Variants in KHDRBS2 observed in about 807,000 individuals in gnomAD.
KHDRBS2 encodes KH RNA binding domain containing, signal transduction associated 2.
Under a neutral mutation model 44.3 loss-of-function variants are expected in KHDRBS2, and 26 were observed. The observed-to-expected ratio is 0.59, with a 90% CI of 0.43 to 0.81. The LOEUF (loss-of-function observed/expected upper bound fraction) is 0.81. Among genes scored for constraint, KHDRBS2 ranks in the 40% least tolerant of loss-of-function variants. The probability of loss-of-function intolerance (pLI) is 0.00; values close to 1 mark genes in which losing one functional copy is unlikely to be tolerated. For synonymous variants in KHDRBS2, 194 were observed against 151.1 expected (o/e 1.28, Z -2.08); for missense variants, 476 against 433.1 (o/e 1.10, Z -0.88).
chr6:61,814,929 G>A (rs1272099455), intron 6 of KHDRBS2, among the ~76,000 whole-genome samples: 1 of 152,076 alleles, frequency 6.6e-6, no homozygotes, highest in African/African-American at 2.4e-5. Flanking sequence ...AAATGGTAAA[G>A]TATTTGTATA....
intron 2 of KHDRBS2, among the ~76,000 whole-genome samples, chr6:62,165,540 T>A (rs887300467): frequency 5.9e-5 from 9 of 151,836 alleles, no homozygotes; most frequent in Non-Finnish European, 8.8e-5. Context: ...TTTTAAAAAC[T>A]AAATCAATCT....
the KHDRBS2 span, among the ~76,000 whole-genome samples, chr6:61,602,059 T>C: frequency 6.6e-6 from 1 of 152,176 alleles, no homozygotes; most frequent in Non-Finnish European, 1.5e-5. Flanking sequence ...TTTACAGCCC[T>C]AGACCCTAAA....
chr6:62,135,268 G>C (rs1012189396), intron 2 of KHDRBS2, among the ~76,000 whole-genome samples: 1 of 152,096 alleles, frequency 6.6e-6, no homozygotes, highest in African/African-American at 2.4e-5. Context: ...CCTTTTGCTT[G>C]GCTCTCATTC....
chr6:62,121,033 C>T (rs531909263), intron 2 of KHDRBS2, among the ~76,000 whole-genome samples: 32 of 152,002 alleles, frequency 2.1e-4, no homozygotes, highest in Non-Finnish European at 3.8e-4. Context: ...CCAGTTAAAC[C>T]GGGGGCTTAC....
At chr6:62,274,619 C>G (rs948026968) in intron 1 of KHDRBS2, among the ~76,000 whole-genome samples, 1 of 152,056 alleles carries the variant, frequency 6.6e-6, no homozygotes, top group African/African-American at 2.4e-5. Flanking sequence ...CAATTTACAG[C>G]TGCTTCATCA....
chr6:61,940,787 G>A (rs1292753150), intron 4 of KHDRBS2, among the ~76,000 whole-genome samples: 1 of 152,064 alleles, frequency 6.6e-6, no homozygotes, highest in Non-Finnish European at 1.5e-5. Context: ...AACATACCAG[G>A]GGCTGAGATG....
chr6:61,938,586 AC>A (rs1811492702), intron 4 of KHDRBS2, among the ~76,000 whole-genome samples: 1 of 152,200 alleles, frequency 6.6e-6, no homozygotes, highest in African/African-American at 2.4e-5. Context: ...GTAGTGTTCT[AC>A]ATCATGGCAT....
intron 4 of KHDRBS2, among the ~76,000 whole-genome samples, chr6:61,941,902 A>C (rs1357002909): frequency 6.6e-6 from 1 of 152,192 alleles, no homozygotes; most frequent in East Asian, 1.9e-4. Context: ...ATACTCCAGC[A>C]AAAGATCCTA....
intron 3 of KHDRBS2, among the ~76,000 whole-genome samples, chr6:62,024,005 C>G (rs1411702216): frequency 6.6e-6 from 1 of 150,944 alleles, no homozygotes; most frequent in Non-Finnish European, 1.5e-5. Context: ...GACCAAGAGT[C>G]TCTACCAAAA....
the KHDRBS2 span, among the ~76,000 whole-genome samples, chr6:61,605,535 T>C: frequency 6.6e-5 from 10 of 152,184 alleles, no homozygotes; most frequent in Non-Finnish European, 1.5e-4. Flanking sequence ...TCTCCTTGTC[T>C]TATTCTGTTT....
At chr6:61,767,887 A>G (rs1461883071) in intron 6 of KHDRBS2, among the ~76,000 whole-genome samples, 1 of 152,050 alleles carries the variant, frequency 6.6e-6, no homozygotes, top group Non-Finnish European at 1.5e-5. Context: ...TAATCTTTCT[A>G]TTCAAGATAT....
intron 3 of KHDRBS2, among the ~76,000 whole-genome samples, chr6:62,025,050 T>G (rs1435341996): frequency 2.0e-5 from 3 of 151,700 alleles, no homozygotes; most frequent in Non-Finnish European, 4.4e-5. Context: ...GTATTGAAAT[T>G]ACTAAATATG....
chr6:61,938,372 A>T (rs193054858), intron 4 of KHDRBS2, among the ~76,000 whole-genome samples: 1 of 152,310 alleles, frequency 6.6e-6, no homozygotes, highest in Admixed American at 6.5e-5. Context: ...TCCAGTTAAA[A>T]GAAACAGGAT....
At chr6:61,791,082 T>C (rs1784569272) in intron 6 of KHDRBS2, among the ~76,000 whole-genome samples, 1 of 151,462 alleles carries the variant, frequency 6.6e-6, no homozygotes, top group African/African-American at 2.4e-5. Flanking sequence ...ATTATTTTAA[T>C]GTCCATAGTT....
chr6:61,930,889 A>T (rs1456180008), intron 4 of KHDRBS2, among the ~76,000 whole-genome samples: 3 of 152,088 alleles, frequency 2.0e-5, no homozygotes, highest in African/African-American at 4.8e-5. Context: ...TGTTAAACCT[A>T]ATACCACATT....
intron 2 of KHDRBS2, among the ~76,000 whole-genome samples, chr6:62,076,541 A>G (rs1796370532): frequency 6.6e-6 from 1 of 152,026 alleles, no homozygotes; most frequent in Admixed American, 6.6e-5. Context: ...ACTTCCAGGA[A>G]TTCACTGTGA....
chr6:62,177,325 C>G lies in KHDRBS2; in HGVS notation c.92-13G>C. 6.3e-7 allele frequency: 1 copy of G among 1,575,452 alleles called. No homozygotes were observed. The highest frequency in any genetic ancestry group is 8.7e-7 in the Non-Finnish European group (1 of 1,155,844). Reference sequence around the variant, plus strand: ...AACTTTTCAATTTCTGGAAGAAAATCACAAGAAGAAAACAAGTGAAATGAG... The same window carrying G: ...AACTTTTCAATTTCTGGAAGAAAATGACAAGAAGAAAACAAGTGAAATGAG... On this transcript the variant is annotated splice_polypyrimidine_tract_variant and intron_variant, in intron 1 of 8. Transcript: ENST00000281156.
chr6:61,848,511 G>GTATATATATACACA lies in KHDRBS2; in HGVS notation c.810+46123_810+46124insTGTGTATATATATA, dbSNP rs1178845054. On this transcript the variant is annotated intron_variant, in intron 6 of 8. Transcript: ENST00000281156. ...TATATGTATATATATATATATATATGTATATATGTATATATATATACATAT... is the reference window on the plus strand; with the variant it reads ...TATATGTATATATATATATATATATGTATATATATACACATATATATGTATATATATATACATAT... 3.0e-4 allele frequency among the ~76,000 whole-genome samples: 9 copies of GTATATATATACACA among 30,056 alleles called. 3 individuals are homozygous for GTATATATATACACA. Among genetic ancestry groups the GTATATATATACACA allele is most frequent in the African/African-American group, 1.3e-3 (7 of 5,242 alleles). 19.7% of individuals were successfully genotyped at this position (30,056 alleles called of 152,430 possible).
In KHDRBS2 at chr6:62,088,818, G is replaced by A. The variant is rs528774832; in HGVS notation, c.220-40824C>T. On this transcript the variant is annotated intron_variant, in intron 2 of 8. Coordinates refer to ENST00000281156, the MANE Select transcript of KHDRBS2 (RefSeq NM_152688.4). The stretch of plus-strand genomic sequence containing the variant: ...TTTTAAGTCTGCTGAAGCTGCGACC[G>A]TAGCCACCCCTTGCCCCAGGTGCTC... Among the ~76,000 whole-genome samples the A allele has an allele frequency of 8.5e-5, 13 of 152,248 alleles. No homozygotes were observed. In the South Asian group the frequency reaches 1.2e-3, roughly 15 times the overall value.
Sources: gnomAD v4.1 joint callset for allele counts (sites outside exome capture counted in the v4.1 genomes callset) on GRCh38, gnomAD v4.1.1 for gene constraint, MANE v1.5 for transcripts, NCBI Gene and HGNC (gene_info 2026-07-23, HGNC 2026-07-21) for gene names.